Variants in NCOR1 observed in about 807,000 individuals in gnomAD.
The protein encoded by NCOR1 is nuclear receptor corepressor 1.
NCOR1 carries 63 observed loss-of-function variants against 288.1 expected under a neutral mutation model. The ratio of observed to expected loss-of-function variants is 0.22; its 90% CI spans 0.18 to 0.27. NCOR1 has a LOEUF of 0.27. Ranked by LOEUF, NCOR1 falls within the 10% of genes least tolerant of loss-of-function variation. The pLI is 1.00. For missense variants in NCOR1, 2,397 were observed against 3,019.2 expected (o/e 0.79, Z 4.83); for synonymous variants, 1,007 against 1,065.9 (o/e 0.94, Z 1.08).
chr17:16,151,773 C>T (rs1056888760), intron 8 of NCOR1, among the ~76,000 whole-genome samples, 173 bp downstream of exon 8: 10 of 151,916 alleles, frequency 6.6e-5, no homozygotes, highest in South Asian at 2.1e-4. Flanking sequence ...AAAGCTGTTA[C>T]CCCAACCCCC....
chr17:16,033,725 C>G (rs1444363228), intron 45 of NCOR1, among the ~76,000 whole-genome samples: 1 of 152,110 alleles, frequency 6.6e-6, no homozygotes, highest in African/African-American at 2.4e-5. Flanking sequence ...CAAATAGGCA[C>G]AAAATAGAAA....
Position 16,064,383 on chromosome 17 carries a change from G to A in NCOR1, c.5102-196C>T, listed in dbSNP as rs551110054. Among the ~76,000 whole-genome samples, 209 of 152,132 alleles carry A rather than the reference G, an allele frequency of 1.4e-3. 1 individual carries two copies. The highest frequency in any genetic ancestry group is 4.1e-3 in the African/African-American group (169 of 41,508). On this transcript the variant is annotated intron_variant, in intron 34 of 45. Transcript: ENST00000268712. ...GGGAGGCCAAGGCAGGTGGATCACC[G>A]GAGGCCAGGAGTTTACGACCAGCCT...
Position 16,040,905 on chromosome 17 carries a change from T to C in NCOR1, c.6680-411A>G, listed in dbSNP as rs542836241. ...AATAAATAAATAAAAAAAGAAGCAGTGTAACCCAGAAAAGGGAAAGGAACT... is the reference window on the plus strand; with the variant it reads ...AATAAATAAATAAAAAAAGAAGCAGCGTAACCCAGAAAAGGGAAAGGAACT... On this transcript the variant is annotated intron_variant, in intron 42 of 45. Coordinates refer to ENST00000268712, the MANE Select transcript of NCOR1 (RefSeq NM_006311.4). 2.2e-5 allele frequency: 4 copies of C among 182,346 alleles called. No individual in the cohort carries two copies. The Admixed American group carries it at 2.3e-4, about 11-fold the overall frequency. The allele number at this position is 182,346 out of a possible 1,614,324, so 11.3% of individuals were successfully genotyped here. A position where few individuals can be genotyped will look rare whatever the true frequency, so the allele number is the denominator to read the frequency against.
At chr17:16,207,010 T>C (rs1379499283) in intron 1 of NCOR1, among the ~76,000 whole-genome samples, 1 of 152,174 alleles carries the variant, frequency 6.6e-6, no homozygotes, top group Non-Finnish European at 1.5e-5. Context: ...GAATATAAAG[T>C]AACTTCTTCC....
At chr17:16,129,818 T>G (rs1160109) in intron 14 of NCOR1, among the ~76,000 whole-genome samples, 1 of 151,978 alleles carries the variant, frequency 6.6e-6, no homozygotes, top group Admixed American at 6.6e-5. Flanking sequence ...AAATTCAGTA[T>G]CCCCTTAGAG....
intron 20 of NCOR1, among the ~76,000 whole-genome samples, chr17:16,099,840 T>A (rs114751772): frequency 0.018 from 2,738 of 152,304 alleles, 86 homozygotes; most frequent in African/African-American, 0.062. Flanking sequence ...AACACCTATT[T>A]TATTTCAATT....
intron 5 of NCOR1, among the ~76,000 whole-genome samples, chr17:16,159,841 CT>C (rs776625584): frequency 3.0e-3 from 430 of 141,544 alleles, no homozygotes; most frequent in East Asian, 5.3e-3. Flanking sequence ...TTAGGTCAAT[CT>C]TTTTTTTTTT....
Position 16,137,393 on chromosome 17 carries a change from A to G in NCOR1, c.1427T>C (p.Leu476Ser). Residue 476 changes from leucine (L) to serine (S), a missense_variant, in exon 14 of 46, where the codon TTG becomes TCG. Around this residue, in one of 11 missense-constraint regions of NCOR1, gnomAD observed 80 missense variants for 100.3 expected, o/e 0.80. Coordinates refer to ENST00000268712, the MANE Select transcript of NCOR1 (RefSeq NM_006311.4). ...ATTTTTCTTGGTTAAATAGTAATAC[A>G]AAACACAATCAGGAACACTCTGTAA... ...LERKSVPDCV[L>S]YYYLTKKNEN... 1 of 1,570,300 alleles carries G rather than the reference A, an allele frequency of 6.4e-7. No individual in the cohort carries two copies. The highest frequency in any genetic ancestry group is 1.2e-5 in the South Asian group (1 of 85,596).
chr17:16,185,190 A>G (rs2086380248), intron 3 of NCOR1, among the ~76,000 whole-genome samples: 1 of 152,130 alleles, frequency 6.6e-6, no homozygotes, highest in South Asian at 2.1e-4. Context: ...AGATAATAAT[A>G]TAGTGCTGTA....
intron 6 of NCOR1, among the ~76,000 whole-genome samples, chr17:16,157,095 A>G (rs1220898604): frequency 6.6e-6 from 1 of 152,122 alleles, no homozygotes; most frequent in East Asian, 1.9e-4. Context: ...ATGAGCCCAC[A>G]AAAGTGTTTT....
intron 42 of NCOR1, among the ~76,000 whole-genome samples, chr17:16,043,191 T>C (rs2058056478): frequency 6.6e-6 from 1 of 152,212 alleles, no homozygotes; most frequent in Non-Finnish European, 1.5e-5. Flanking sequence ...AAGTAAGTTT[T>C]AAAGCATTAC....
intron 28 of NCOR1, among the ~76,000 whole-genome samples, 199 bp from the exon 29 acceptor site, chr17:16,072,427 T>C (rs1263092828): frequency 1.3e-5 from 2 of 152,130 alleles, no homozygotes; most frequent in Non-Finnish European, 2.9e-5. Context: ...AAATAAAAAA[T>C]GGCCACCAAA....
rs1389981561 is a variant in NCOR1, at chr17:16,064,988, T to C, written c.4983A>G (p.Thr1661=). Residue 1661 remains threonine, a synonymous_variant, in exon 34 of 46, where the codon ACA becomes ACG. Coordinates refer to ENST00000268712, the MANE Select transcript of NCOR1 (RefSeq NM_006311.4). ...GIIDLTNMPP[T]ILVPHPGGTS... is the part of the protein sequence containing the mutation. The stretch of plus-strand genomic sequence containing the variant: ...TTCCCCCTGGATGAGGCACTAAAAT[T>C]GTTGGAGGCATATTGGTCAGGTCAA... 1 of 1,613,894 alleles carries C rather than the reference T, an allele frequency of 6.2e-7. No homozygotes were observed. Among genetic ancestry groups the C allele is most frequent in the Admixed American group, 1.7e-5 (1 of 59,978 alleles).
rs1408600648 is a variant in NCOR1 at position 16,039,642 on chromosome 17, G to T, written c.6746C>A (p.Ser2249Tyr). ...AGGATCAGCAAAAGAATGGCCTCTA[G>T]AGCTAACTGAGCCTGAAAGAGAATC... is the stretch of plus-strand genomic sequence containing the variant. Reference protein sequence around the residue: ...PAVTTSGSVSSRGHSFADPAS... With the variant: ...PAVTTSGSVSYRGHSFADPAS... The change falls in exon 44 of 46, where the codon TCT becomes TAT. Residue 2249 changes from serine (S) to tyrosine (Y), a missense_variant. By Grantham distance (144) the Ser-to-Tyr change is moderately radical (BLOSUM62 -2). This residue lies in a region of NCOR1 where 1,872 missense variants were observed against 2,187.8 expected (regional missense o/e 0.86). Transcript: ENST00000268712. 1 of 1,613,660 alleles carries T rather than the reference G, an allele frequency of 6.2e-7. No individual in the cohort carries two copies. Among genetic ancestry groups the T allele is most frequent in the South Asian group, 1.1e-5 (1 of 90,966 alleles).
In NCOR1 at chr17:16,032,375, T is replaced by C. The variant is rs1047907822; in HGVS notation, c.7244A>G (p.Gln2415Arg). The C allele has an allele frequency of 1.2e-6, 2 of 1,614,026 alleles. No homozygotes were observed. The highest frequency in any genetic ancestry group is 1.7e-6 in the Non-Finnish European group (2 of 1,180,030). Residue 2415 changes from glutamine to arginine, a missense_variant, in exon 46 of 46, where the codon CAA (glutamine) becomes CGA (arginine). Around this residue, in one of 11 missense-constraint regions of NCOR1, gnomAD observed 1,872 missense variants for 2,187.8 expected, o/e 0.86. Transcript: ENST00000268712. Reference sequence around the variant, plus strand: ...CTCTCGCTCCCAGATCCTGTTCTGTTGGTGAGGAGCTGCTTGGTTCACCGC... The same window carrying C: ...CTCTCGCTCCCAGATCCTGTTCTGTCGGTGAGGAGCTGCTTGGTTCACCGC... The part of the protein sequence containing the change: ...PSAVNQAAPH[Q>R]QNRIWEREPA...
chr17:16,177,496 G>A (rs929349062), intron 3 of NCOR1, among the ~76,000 whole-genome samples: 3 of 152,128 alleles, frequency 2.0e-5, no homozygotes, highest in Non-Finnish European at 2.9e-5. Flanking sequence ...GATAGTCTGG[G>A]TGGGTTCTCC....
intron 26 of NCOR1, among the ~76,000 whole-genome samples, chr17:16,078,589 T>G (rs2062899116): frequency 6.6e-6 from 1 of 152,180 alleles, no homozygotes; most frequent in African/African-American, 2.4e-5. Context: ...ACTTTTTTTT[T>G]TTTTGAGACG....
chr17:16,138,967 A>T, intron 12 of NCOR1, 41 bp downstream of exon 12: 1 of 1,381,380 alleles, frequency 7.2e-7, no homozygotes, highest in Non-Finnish European at 9.7e-7. Flanking sequence ...TTACTAACTT[A>T]TGTAGATGTC....
rs557456007 is a variant in NCOR1 at position 16,156,576 on chromosome 17, G to A, written c.732+2184C>T. The stretch of plus-strand genomic sequence containing the variant: ...AGAAAAAAGAAAAAAGGAAAAGAAA[G>A]ATGACTTCTATAGTTGTTGTGGGTT... On this transcript the variant is annotated intron_variant, in intron 6 of 45. Coordinates refer to ENST00000268712, the MANE Select transcript of NCOR1 (RefSeq NM_006311.4). Among the ~76,000 whole-genome samples the A allele has an allele frequency of 2.6e-5, 4 of 151,968 alleles. No homozygotes were observed. In the South Asian group the frequency reaches 8.3e-4, roughly 32 times the overall value.
Sources: gnomAD v4.1 joint callset for allele counts (sites outside exome capture counted in the v4.1 genomes callset) on GRCh38, gnomAD v4.1.1 for gene constraint, gnomAD v4.1.1 regional missense constraint, MANE v1.5 for transcripts, NCBI Gene and HGNC (gene_info 2026-07-23, HGNC 2026-07-21) for gene names.